AFDN: variants seen among roughly 807,000 people sequenced by gnomAD.
AFDN encodes afadin.
AFDN carries 68 observed loss-of-function variants against 216.6 expected under a neutral mutation model. The observed-to-expected ratio is 0.31, with a 90% CI of 0.26 to 0.38. The LOEUF (loss-of-function observed/expected upper bound fraction) is 0.38. AFDN is among the 10% of genes least tolerant of loss of function. The pLI, the probability that AFDN is intolerant of heterozygous loss-of-function variation, is 1.00. For synonymous variants in AFDN, 868 were observed against 853.7 expected (o/e 1.02, Z -0.29); for missense variants, 2,136 against 2,342.0 (o/e 0.91, Z 1.82).
rs563647771 is a variant in AFDN, at chr6:167,897,896, G to A, written c.1318-309G>A. On this transcript the variant is annotated intron_variant, in intron 10 of 33. Coordinates refer to ENST00000683244, the MANE Select transcript of AFDN (RefSeq NM_001386888.1). ...CCTGACCTCATGATCCGCCCATCTC[G>A]GCCTCCCAAAGTGCTGGGATTACAG... Among the ~76,000 whole-genome samples the A allele has an allele frequency of 5.3e-5, 8 of 151,962 alleles. No homozygotes were observed. The East Asian group carries it at 1.4e-3, about 26-fold the overall frequency.
chr6:167,949,811 G>A (rs888394381), intron 29 of AFDN, among the ~76,000 whole-genome samples: 5 of 151,526 alleles, frequency 3.3e-5, no homozygotes, highest in Non-Finnish European at 5.9e-5. Context: ...CTGGCATTAC[G>A]TCTTCACATT....
intron 13 of AFDN, among the ~76,000 whole-genome samples, chr6:167,910,009 C>T (rs549470064): frequency 6.6e-6 from 1 of 152,236 alleles, no homozygotes; most frequent in East Asian, 1.9e-4. Flanking sequence ...GGGTAGCGAA[C>T]TTAGAGTAAT....
chr6:167,892,944 A>G (rs748865902), intron 8 of AFDN, among the ~76,000 whole-genome samples: 97 of 152,134 alleles, frequency 6.4e-4, no homozygotes, highest in Non-Finnish European at 4.4e-4. Flanking sequence ...GTCAGCATTC[A>G]CTGACCCTTC....
chr6:167,896,519 A>AGG (rs1788269470), intron 9 of AFDN, among the ~76,000 whole-genome samples: 1 of 152,224 alleles, frequency 6.6e-6, no homozygotes, highest in Admixed American at 6.5e-5. Flanking sequence ...TCTGGTCCGA[A>AGG]GGGAAGGCCT....
chr6:167,947,397 T>C (rs1207365938), intron 27 of AFDN, among the ~76,000 whole-genome samples: 1 of 152,146 alleles, frequency 6.6e-6, no homozygotes, highest in South Asian at 2.1e-4. Flanking sequence ...GCCAGGATGG[T>C]CTCGATCTCC....
chr6:167,867,256 G>C (rs1322068391), intron 2 of AFDN, among the ~76,000 whole-genome samples: 2 of 152,054 alleles, frequency 1.3e-5, no homozygotes, highest in African/African-American at 2.4e-5. Context: ...GAACGATTTG[G>C]TAATTTTGGT....
At chr6:167,863,423 A>T (rs962393792) in intron 1 of AFDN, among the ~76,000 whole-genome samples, 1 of 152,238 alleles carries the variant, frequency 6.6e-6, no homozygotes, top group African/African-American at 2.4e-5. Context: ...ATTCAGTGTG[A>T]TGGGCTTTGA....
At chr6:167,901,627 G>A (rs528893410) in intron 11 of AFDN, among the ~76,000 whole-genome samples, 1 of 152,218 alleles carries the variant, frequency 6.6e-6, no homozygotes, top group Admixed American at 6.5e-5. Flanking sequence ...CTTTCAAATA[G>A]GAGAGAAGCT....
intron 1 of AFDN, among the ~76,000 whole-genome samples, chr6:167,844,173 ATGAAGTG>A (rs1445136611): frequency 2.3e-5 from 3 of 132,668 alleles, no homozygotes; most frequent in Non-Finnish European, 4.8e-5. Context: ...AGACTCAAAA[ATGAAGTG>A]TGTGTGTGTG....
At chr6:167,827,649 C>T (rs1160383849) in intron 1 of AFDN, 2 of 149,776 alleles carry the variant, frequency 1.3e-5, no homozygotes, top group Admixed American at 6.6e-5. Context: ...CTCGCGGCGC[C>T]CCTTCGCCGT....
intron 24 of AFDN, 62 bp downstream of exon 24, chr6:167,943,256 G>C: frequency 4.0e-6 from 6 of 1,502,578 alleles, no homozygotes; most frequent in Non-Finnish European, 5.5e-6. Flanking sequence ...AATGATGTGA[G>C]AGATTCTGCT....
chr6:167,858,547 G>GATT (rs768813031), intron 1 of AFDN, among the ~76,000 whole-genome samples: 66 of 152,310 alleles, frequency 4.3e-4, no homozygotes, highest in Non-Finnish European at 8.4e-4. Context: ...GTCTTTCTCA[G>GATT]ATTTGGTGAA....
rs34069250 is a variant in AFDN, at chr6:167,874,610, A to ATTTTT, written c.579-707_579-703dup. Among the ~76,000 whole-genome samples the ATTTTT allele has an allele frequency of 3.2e-4, 36 of 113,258 alleles. No individual in the cohort carries two copies. In the South Asian group the frequency reaches 5.5e-3, roughly 17 times the overall value. 74.3% of individuals were successfully genotyped at this position (113,258 alleles called of 152,430 possible). ...TTTGGGCTTTTCAAAATTTGCTATA[A>ATTTTT]TTTTTTTTTTTTTTTTTTTTTTGAG... is the stretch of plus-strand genomic sequence containing the variant. On this transcript the variant is annotated intron_variant, in intron 4 of 33. Transcript: ENST00000683244.
At chr6:167,960,249 A>G (rs1583059605) in intron 30 of AFDN, among the ~76,000 whole-genome samples, 2 of 152,348 alleles carry the variant, frequency 1.3e-5, no homozygotes, top group East Asian at 3.9e-4. Context: ...CCTTGATGAC[A>G]TTGGTGCTGG....
intron 29 of AFDN, among the ~76,000 whole-genome samples, chr6:167,950,770 C>T (rs1242144753): frequency 6.6e-6 from 1 of 151,960 alleles, no homozygotes; most frequent in Non-Finnish European, 1.5e-5. Context: ...TGGTGCTGGG[C>T]ACACAGGAGG....
At chr6:167,849,495 C>T (rs1562548637) in intron 1 of AFDN, among the ~76,000 whole-genome samples, 1 of 152,068 alleles carries the variant, frequency 6.6e-6, no homozygotes, top group Non-Finnish European at 1.5e-5. Context: ...TATAAAAACC[C>T]AATCAGTGAT....
At chr6:167,893,928 C>T in intron 9 of AFDN, 22 bp downstream of exon 9, 1 of 1,533,500 alleles carries the variant, frequency 6.5e-7, no homozygotes, top group Non-Finnish European at 8.9e-7. Context: ...CTTACTACTA[C>T]TTTTATAACT....
intron 23 of AFDN, among the ~76,000 whole-genome samples, chr6:167,933,546 G>A (rs537982811): frequency 1.3e-5 from 2 of 152,200 alleles, no homozygotes; most frequent in Non-Finnish European, 2.9e-5. Flanking sequence ...TTTTTAGTCA[G>A]TTCCAAAGAC....
intron 8 of AFDN, among the ~76,000 whole-genome samples, chr6:167,891,408 G>GTGTGTGTGTGTGTGTGTGTGT (rs1562619712): frequency 1.4e-5 from 1 of 72,050 alleles, no homozygotes. Flanking sequence ...TAAAGGGGTG[G>GTGTGTGTGTGTGTGTGTGTGT]GTGTGTGTGT....
Sources: allele counts gnomAD v4.1 joint callset (sites outside exome capture counted in the v4.1 genomes callset), GRCh38; gene constraint gnomAD v4.1.1; transcripts MANE v1.5; gene names NCBI Gene and HGNC (gene_info 2026-07-23, HGNC 2026-07-21).